Variants in CSNK2A2IP observed in about 807,000 individuals in gnomAD.
CSNK2A2IP encodes the protein casein kinase II subunit alpha'-interacting protein.
chr3:88,424,339 G>A, the CSNK2A2IP span, among the ~76,000 whole-genome samples: 2 of 152,138 alleles, frequency 1.3e-5, no homozygotes, highest in Non-Finnish European at 2.9e-5. Flanking sequence ...TTATCGATGA[G>A]CTTGAGTTAA....
chr3:88,389,101 T>A, the CSNK2A2IP span, among the ~76,000 whole-genome samples: 1 of 152,078 alleles, frequency 6.6e-6, no homozygotes, highest in African/African-American at 2.4e-5. Context: ...GTTATATAAC[T>A]ATATTAGATG....
the CSNK2A2IP span, among the ~76,000 whole-genome samples, chr3:88,451,918 G>T: frequency 1.3e-5 from 2 of 151,676 alleles, no homozygotes; most frequent in Admixed American, 6.6e-5. Flanking sequence ...GTAATAATTG[G>T]CTTTACAATA....
chr3:88,466,534 C>T, the CSNK2A2IP span: 3 of 1,231,746 alleles, frequency 2.4e-6, no homozygotes, highest in Admixed American at 4.2e-5. Context: ...TTTCAGACTC[C>T]AGAGTAAAAG....
chr3:88,466,843 C>G, the CSNK2A2IP span: 1 of 1,034,768 alleles, frequency 9.7e-7, no homozygotes, highest in South Asian at 4.9e-5. Context: ...AAAGAAAAAT[C>G]CTCATTGTGC....
chr3:88,372,059 T>G, the CSNK2A2IP span, among the ~76,000 whole-genome samples: 5 of 151,542 alleles, frequency 3.3e-5, no homozygotes, highest in African/African-American at 4.8e-5. Context: ...TAATCAGTCA[T>G]AAAGGAAAGA....
chr3:88,411,291 TAC>T, the CSNK2A2IP span, among the ~76,000 whole-genome samples: 1 of 151,870 alleles, frequency 6.6e-6, no homozygotes, highest in African/African-American at 2.4e-5. Context: ...TGAGACATTC[TAC>T]AGTGTCTACA....
the CSNK2A2IP span, among the ~76,000 whole-genome samples, chr3:88,397,607 A>T: frequency 0.02 from 3,026 of 152,240 alleles, 54 homozygotes; most frequent in Non-Finnish European, 0.034. Flanking sequence ...GTTTGCCTTA[A>T]TTTAATAGAC....
At chr3:88,425,145 A>G in the CSNK2A2IP span, among the ~76,000 whole-genome samples, 6 of 152,174 alleles carry the variant, frequency 3.9e-5, no homozygotes, top group East Asian at 7.7e-4. Context: ...GAAAAATTGT[A>G]TATAACACAA....
the CSNK2A2IP span, among the ~76,000 whole-genome samples, chr3:88,422,597 A>T: frequency 4.6e-5 from 7 of 152,214 alleles, no homozygotes; most frequent in African/African-American, 1.4e-4. Flanking sequence ...ATTGAATAAG[A>T]GGAGGCACAT....
chr3:88,428,029 G>A, the CSNK2A2IP span, among the ~76,000 whole-genome samples: 3 of 152,142 alleles, frequency 2.0e-5, no homozygotes, highest in South Asian at 6.2e-4. Flanking sequence ...AGCCAGAAGG[G>A]GGGCTGTGGG....
chr3:88,357,740 C>T, the CSNK2A2IP span, among the ~76,000 whole-genome samples: 1 of 141,694 alleles, frequency 7.1e-6, no homozygotes, highest in Non-Finnish European at 1.5e-5. Flanking sequence ...GTTTTGTGTC[C>T]TATTCAATTT....
At chr3:88,401,769 A>T in the CSNK2A2IP span, among the ~76,000 whole-genome samples, 1 of 152,076 alleles carries the variant, frequency 6.6e-6, no homozygotes, top group Admixed American at 6.6e-5. Context: ...AACTGAGTAT[A>T]TTTAAATGGG....
chr3:88,368,961 T>A, the CSNK2A2IP span, among the ~76,000 whole-genome samples: 4 of 151,906 alleles, frequency 2.6e-5, no homozygotes, highest in South Asian at 2.1e-4. Flanking sequence ...AATCCTGAAA[T>A]AATCACTGGT....
chr3:88,346,204 T>C, the CSNK2A2IP span, among the ~76,000 whole-genome samples: 9 of 151,934 alleles, frequency 5.9e-5, no homozygotes, highest in Non-Finnish European at 1.0e-4. Context: ...AAGAGGTTGG[T>C]TATAAGATTC....
At chr3:88,383,794 G>T in the CSNK2A2IP span, among the ~76,000 whole-genome samples, 1 of 151,692 alleles carries the variant, frequency 6.6e-6, no homozygotes, top group South Asian at 2.1e-4. Flanking sequence ...CTCCAGAGTA[G>T]CTGGGACTAC....
the CSNK2A2IP span, among the ~76,000 whole-genome samples, chr3:88,373,703 C>T: frequency 6.7e-6 from 1 of 148,588 alleles, no homozygotes; most frequent in South Asian, 2.1e-4. Context: ...TGCAATAAAG[C>T]CAAAAGTTAA....
chr3:88,450,116 G>T, the CSNK2A2IP span, among the ~76,000 whole-genome samples: 1 of 151,564 alleles, frequency 6.6e-6, no homozygotes, highest in African/African-American at 2.4e-5. Flanking sequence ...TGATCCTCCC[G>T]CCTCAGCCTC....
chr3:88,466,036 G>A, the CSNK2A2IP span: 1 of 1,231,596 alleles, frequency 8.1e-7, no homozygotes, highest in Middle Eastern at 3.1e-4. Context: ...ATCCTCATTG[G>A]ACTACCTTTG....
the CSNK2A2IP span, among the ~76,000 whole-genome samples, chr3:88,351,599 C>T: frequency 1.3e-5 from 2 of 151,824 alleles, no homozygotes; most frequent in Non-Finnish European, 2.9e-5. Flanking sequence ...GATATCACAC[C>T]GTATACTGTC....
Sources: gnomAD v4.1 joint callset for allele counts (sites outside exome capture counted in the v4.1 genomes callset) on GRCh38, gnomAD v4.1.1 for gene constraint, MANE v1.5 for transcripts, NCBI Gene and HGNC (gene_info 2026-07-23, HGNC 2026-07-21) for gene names.